Variants in GALK2 observed in about 807,000 individuals in gnomAD.
The protein encoded by GALK2 is galactokinase 2.
Under a neutral mutation model 52.4 loss-of-function variants are expected in GALK2, and 36 were observed. The ratio of observed to expected loss-of-function variants is 0.69; its 90% CI spans 0.53 to 0.91. The LOEUF is 0.91. Ranked by LOEUF, GALK2 falls within the 40% of genes least tolerant of loss-of-function variation. The pLI, the probability that GALK2 is intolerant of heterozygous loss-of-function variation, is 0.00. For missense variants in GALK2, 579 were observed against 559.1 expected (o/e 1.04, Z -0.36); for synonymous variants, 176 against 199.1 (o/e 0.88, Z 0.98).
intron 8 of GALK2, among the ~76,000 whole-genome samples, chr15:49,311,192 A>T (rs192718665): frequency 1.3e-5 from 2 of 152,182 alleles, no homozygotes; most frequent in Non-Finnish European, 2.9e-5. Flanking sequence ...GGATTCAACA[A>T]TAGCTTTATG....
chr15:49,237,061 G>A (rs1291502202), intron 4 of GALK2, among the ~76,000 whole-genome samples: 2 of 152,186 alleles, frequency 1.3e-5, no homozygotes, highest in African/African-American at 4.8e-5. Flanking sequence ...GGGAATTACA[G>A]TATTTGGAAG....
intron 8 of GALK2, among the ~76,000 whole-genome samples, chr15:49,299,301 C>T (rs766152170): frequency 1.3e-5 from 2 of 152,006 alleles, no homozygotes; most frequent in Admixed American, 6.6e-5. Flanking sequence ...AACTAGGCAG[C>T]AGTCTGTCAA....
At chr15:49,172,338 A>C (rs989677424) in intron 1 of GALK2, among the ~76,000 whole-genome samples, 1 of 152,226 alleles carries the variant, frequency 6.6e-6, no homozygotes, top group Non-Finnish European at 1.5e-5. Flanking sequence ...TATCCACAGA[A>C]GAGATCATAG....
intron 3 of GALK2, among the ~76,000 whole-genome samples, chr15:49,355,455 G>A (rs1399856519): frequency 6.6e-6 from 1 of 152,190 alleles, no homozygotes; most frequent in East Asian, 1.9e-4. Flanking sequence ...AGAAGCCTCA[G>A]GAGCCGATGC....
At chr15:49,301,221 G>A (rs373836711) in intron 8 of GALK2, among the ~76,000 whole-genome samples, 12 of 152,112 alleles carry the variant, frequency 7.9e-5, no homozygotes, top group South Asian at 2.1e-4. Context: ...AGGCCCATGC[G>A]CAGTTCTTAT....
At chr15:49,240,605 A>G (rs1050316068) in intron 5 of GALK2, among the ~76,000 whole-genome samples, 1 of 152,230 alleles carries the variant, frequency 6.6e-6, no homozygotes, top group Non-Finnish European at 1.5e-5. Context: ...AGTTGTAGAT[A>G]TTGATGGCAT....
At chr15:49,230,698 C>T (rs551299168) in intron 3 of GALK2, among the ~76,000 whole-genome samples, 1 of 152,294 alleles carries the variant, frequency 6.6e-6, no homozygotes, top group South Asian at 2.1e-4. Context: ...CTACCTACCC[C>T]AGGTCCAGAC....
In GALK2 at chr15:49,243,726, G is replaced by T. The variant is rs192876401; in HGVS notation, c.504+4359G>T. 4.6e-5 allele frequency among the ~76,000 whole-genome samples: 7 copies of T among 152,198 alleles called. No individual in the cohort carries two copies. The East Asian group carries it at 1.4e-3, about 29-fold the overall frequency. ...TGTCCTCAGAGAGATAAAAGAAAAT[G>T]TTAAGTCCTTGAAAAATAATAGTGT... On this transcript the variant is annotated intron_variant, in intron 5 of 9. Transcript: ENST00000560031.
intron 5 of GALK2, among the ~76,000 whole-genome samples, chr15:49,261,832 GT>G (rs1394173732): frequency 2.6e-5 from 4 of 151,982 alleles, no homozygotes; most frequent in Non-Finnish European, 4.4e-5. Flanking sequence ...TAATCATGTG[GT>G]TTTTGTCTTT....
chr15:49,353,574 G>C (rs1376379464), intron 3 of GALK2: 1 of 149,882 alleles, frequency 6.7e-6, no homozygotes, highest in Non-Finnish European at 1.5e-5. Context: ...ATAATTTTAT[G>C]ACATTGACAC....
At chr15:49,188,179 A>T (rs958676460) in intron 1 of GALK2, among the ~76,000 whole-genome samples, 1 of 152,210 alleles carries the variant, frequency 6.6e-6, no homozygotes, top group East Asian at 1.9e-4. Context: ...CCTCTGGTCC[A>T]GGATGTGTAG....
At chr15:49,262,681 T>C (rs2092177584) in intron 5 of GALK2, among the ~76,000 whole-genome samples, 1 of 149,552 alleles carries the variant, frequency 6.7e-6, no homozygotes, top group African/African-American at 2.5e-5. Context: ...TTTTGGATCT[T>C]TCCTGCTTTC....
In GALK2 at chr15:49,329,808, A is replaced by G; in HGVS notation, c.*1649A>G. 1 of 362,548 alleles carries G rather than the reference A, an allele frequency of 2.8e-6. No homozygotes were observed. Among genetic ancestry groups the G allele is most frequent in the African/African-American group, 2.4e-5 (1 of 40,868 alleles). The allele number at this position is 362,548 out of a possible 1,614,324, so 22.5% of individuals were successfully genotyped here. A position where few individuals can be genotyped will look rare whatever the true frequency, so the allele number is the denominator to read the frequency against. On this transcript the variant is annotated 3_prime_UTR_variant, in exon 10 of 10. Transcript: ENST00000560031. ...CTTTAAAGATACCTGGATCAGTGTAAAAAAAAAAAAAAAAAGGCACCTGTC... is the reference window on the plus strand; with the variant it reads ...CTTTAAAGATACCTGGATCAGTGTAGAAAAAAAAAAAAAAAGGCACCTGTC...
At chr15:49,228,689 T>TA (rs2090324004) in intron 3 of GALK2, among the ~76,000 whole-genome samples, 32 of 10,918 alleles carry the variant, frequency 2.9e-3, no homozygotes, top group African/African-American at 6.8e-3. Flanking sequence ...ATATATATAT[T>TA]TTTTTTTTTT....
intron 2 of GALK2, among the ~76,000 whole-genome samples, chr15:49,201,908 T>C: frequency 6.6e-6 from 1 of 152,206 alleles, no homozygotes; most frequent in East Asian, 1.9e-4. Context: ...GATGGGGTAA[T>C]TTATCAACAA....
intron 5 of GALK2, among the ~76,000 whole-genome samples, chr15:49,252,517 T>G (rs1336475466): frequency 6.6e-6 from 1 of 152,202 alleles, no homozygotes; most frequent in African/African-American, 2.4e-5. Flanking sequence ...TTTTGTATAA[T>G]ATCAGTTTTA....
chr15:49,244,527 T>C (rs73392279), intron 5 of GALK2, among the ~76,000 whole-genome samples: 2,594 of 152,236 alleles, frequency 0.017, 70 homozygotes, highest in African/African-American at 0.06. Context: ...AAAATATTAA[T>C]AAATTTTAGT....
chr15:49,299,876 G>C (rs2141861888), intron 8 of GALK2, among the ~76,000 whole-genome samples: 1 of 151,142 alleles, frequency 6.6e-6, no homozygotes, highest in East Asian at 1.9e-4. Flanking sequence ...CATGTGGTCA[G>C]TCTTATAATA....
intron 3 of GALK2, among the ~76,000 whole-genome samples, chr15:49,226,874 G>A (rs2090162659): frequency 6.6e-6 from 1 of 152,036 alleles, no homozygotes; most frequent in Admixed American, 6.5e-5. Flanking sequence ...AAATTTCCTT[G>A]TATTTATACA....
Sources: gnomAD v4.1 joint callset for allele counts (sites outside exome capture counted in the v4.1 genomes callset) on GRCh38, gnomAD v4.1.1 for gene constraint, MANE v1.5 for transcripts, NCBI Gene and HGNC (gene_info 2026-07-23, HGNC 2026-07-21) for gene names.